DFFB: variants seen among roughly 807,000 people sequenced by gnomAD.
The protein encoded by DFFB is DNA fragmentation factor 40 kDa subunit.
In DFFB, 29 loss-of-function variants were observed where a neutral mutation model predicts 32.7. The observed-to-expected ratio is 0.89, with a 90% CI of 0.66 to 1.21. DFFB has a LOEUF of 1.21. Ranked by LOEUF, DFFB falls within the 50% of genes most tolerant of loss-of-function variation. The pLI, the probability that DFFB is intolerant of heterozygous loss-of-function variation, is 0.00. For synonymous variants in DFFB, 170 were observed against 177.1 expected (o/e 0.96, Z 0.32); for missense variants, 398 against 440.6 (o/e 0.90, Z 0.87).
In DFFB at chr1:3,871,080, T is replaced by C. The variant is rs1328096268; in HGVS notation, c.681+1305T>C. On this transcript the variant is annotated intron_variant, in intron 5 of 6. Transcript: ENST00000378209. ...GCGGGCAATGGCTGGAAAGGGAGCC[T>C]CTGGGACATGGGTCCTTGCTTCTCA... 4.6e-5 allele frequency among the ~76,000 whole-genome samples: 7 copies of C among 152,172 alleles called. No individual in the cohort carries two copies. In the East Asian group the frequency reaches 1.2e-3, roughly 25 times the overall value.
At chr1:3,859,723 T>C (rs1471965679) in intron 2 of DFFB, among the ~76,000 whole-genome samples, 1 of 152,226 alleles carries the variant, frequency 6.6e-6, no homozygotes, top group Non-Finnish European at 1.5e-5. Flanking sequence ...GCAAACCCCC[T>C]TTCTCCACTG....
At chr1:3,877,927 C>T (rs1645258028) in intron 6 of DFFB, among the ~76,000 whole-genome samples, 1 of 152,046 alleles carries the variant, frequency 6.6e-6, no homozygotes, top group South Asian at 2.1e-4. Context: ...CTTTATGTGC[C>T]ATTAGGTTTG....
intron 6 of DFFB, among the ~76,000 whole-genome samples, chr1:3,873,637 G>A (rs1024455251): frequency 1.3e-5 from 2 of 152,018 alleles, no homozygotes; most frequent in Non-Finnish European, 2.9e-5. Context: ...GTGGCACCAC[G>A]TCCAGCTAAT....
intron 3 of DFFB, 194 bp from the exon 4 acceptor site, chr1:3,867,780 G>A: frequency 1.7e-6 from 1 of 596,016 alleles, no homozygotes; most frequent in Non-Finnish European, 3.0e-6. Flanking sequence ...CTGAGCCCAG[G>A]AGGTTAAGGC....
intron 6 of DFFB, 60 bp from the exon 7 acceptor site, chr1:3,883,447 T>C (rs1462678581): frequency 2.7e-6 from 4 of 1,493,484 alleles, no homozygotes; most frequent in African/African-American, 1.4e-5. Flanking sequence ...TACACTGCTA[T>C]GACCTGTTGC....
chr1:3,858,614 T>G lies in DFFB; in HGVS notation c.115-104T>G, dbSNP rs1021182296. ...TGGCATACAGGCGGCAGCCTGAGCC[T>G]GCTTCTTTAAGCACAGCTCATTCCG... is the stretch of plus-strand genomic sequence containing the variant. On this transcript the variant is annotated intron_variant, in intron 1 of 6. Coordinates refer to ENST00000378209, the MANE Select transcript of DFFB (RefSeq NM_004402.4). The G allele has an allele frequency of 2.1e-6, 3 of 1,428,298 alleles. No individual in the cohort carries two copies. In the African/African-American group the frequency reaches 4.3e-5, roughly 20 times the overall value. The allele number at this position is 1,428,298 out of a possible 1,614,324, so 88.5% of individuals were successfully genotyped here.
intron 6 of DFFB, among the ~76,000 whole-genome samples, chr1:3,881,582 C>G (rs556998729): frequency 6.6e-6 from 1 of 152,314 alleles, no homozygotes; most frequent in South Asian, 2.1e-4. Flanking sequence ...AGTATTTTAA[C>G]AAGGTGACTT....
intron 6 of DFFB, among the ~76,000 whole-genome samples, chr1:3,873,535 A>C (rs1375748598): frequency 1.3e-5 from 2 of 150,304 alleles, no homozygotes; most frequent in Non-Finnish European, 2.9e-5. Flanking sequence ...GCTGGAGTGC[A>C]ATGATGTGAT....
intron 6 of DFFB, 120 bp from the exon 7 acceptor site, chr1:3,883,387 G>A (rs1267901988): frequency 1.3e-5 from 12 of 903,216 alleles, no homozygotes; most frequent in South Asian, 1.6e-5. Flanking sequence ...AGGTGCGGCC[G>A]TGTGTCCGTG....
rs1300568879 is a variant in DFFB, at chr1:3,883,827, GT to G, written c.*93del. 9 of 1,184,706 alleles carry G rather than the reference GT, an allele frequency of 7.6e-6. No individual in the cohort carries two copies. Among genetic ancestry groups the G allele is most frequent in the East Asian group, 7.2e-5 (3 of 41,600 alleles). 73.4% of individuals were successfully genotyped at this position (1,184,706 alleles called of 1,614,324 possible). A position where few individuals can be genotyped will look rare whatever the true frequency, so the allele number is the denominator to read the frequency against. ...TGCCTTTTTTGTTTTTTTGTTTTTC[GT>G]TTTTTTGGTCACTCCAGTAGCTCCT... On this transcript the variant is annotated 3_prime_UTR_variant, in exon 7 of 7. Coordinates refer to ENST00000378209, the MANE Select transcript of DFFB (RefSeq NM_004402.4).
At chr1:3,873,044 A>C in intron 6 of DFFB, 1 of 1,188,926 alleles carries the variant, frequency 8.4e-7, no homozygotes, top group Non-Finnish European at 1.1e-6. Context: ...GCCCAGGCTA[A>C]AGTGCAGTGG....
rs772999602 is a variant in DFFB, at chr1:3,865,798, C to T, written c.242-14C>T. On this transcript the variant is annotated splice_polypyrimidine_tract_variant and intron_variant, in intron 2 of 6. Coordinates refer to ENST00000378209, the MANE Select transcript of DFFB (RefSeq NM_004402.4). This position sits in a 1 kb window ranked among gnomAD's most constrained non-coding sequence, Gnocchi z 4.7. ...TGCTGGACCGGCACCTTTTGTTTGT[C>T]CCATTGGTGGCAGATGTGAGCGACA... The T allele has an allele frequency of 1.9e-6, 3 of 1,614,084 alleles. No individual in the cohort carries two copies. The highest frequency in any genetic ancestry group is 1.3e-5 in the African/African-American group (1 of 75,002).
At chr1:3,878,695 C>T (rs1462544339) in intron 6 of DFFB, among the ~76,000 whole-genome samples, 1 of 152,216 alleles carries the variant, frequency 6.6e-6, no homozygotes, top group Non-Finnish European at 1.5e-5. Flanking sequence ...TGTCCCCTCT[C>T]CCGGGCCGGC....
At position 3,857,578 on chromosome 1, in the gene DFFB, A is replaced by G. The variant is rs1387658583; in HGVS notation, c.-26A>G. 2 of 1,509,292 alleles carry G rather than the reference A, an allele frequency of 1.3e-6. No individual in the cohort carries two copies. Among genetic ancestry groups the G allele is most frequent in the South Asian group, 2.5e-5 (2 of 78,824 alleles). 93.5% of individuals were successfully genotyped at this position (1,509,292 alleles called of 1,614,324 possible). On this transcript the variant is annotated 5_prime_UTR_variant, in exon 1 of 7. Coordinates refer to ENST00000378209, the MANE Select transcript of DFFB (RefSeq NM_004402.4). Reference sequence around the variant, plus strand: ...GGCAGCAGGTGCCACCGCCTGTGGGACCCAGAGGGCTTGAGGACATCTGCA... The same window carrying G: ...GGCAGCAGGTGCCACCGCCTGTGGGGCCCAGAGGGCTTGAGGACATCTGCA...
At chr1:3,878,698 G>T (rs970382877) in intron 6 of DFFB, among the ~76,000 whole-genome samples, 121 of 152,126 alleles carry the variant, frequency 8.0e-4, no homozygotes, top group Non-Finnish European at 1.0e-4. Flanking sequence ...CCCCTCTCCC[G>T]GGCCGGCCTC....
rs1257197024 is a variant in DFFB, at chr1:3,865,704, C to T, written c.242-108C>T. On this transcript the variant is annotated intron_variant, in intron 2 of 6. Transcript: ENST00000378209. This position sits in a 1 kb window ranked among gnomAD's most constrained non-coding sequence, Gnocchi z 4.7. ...CCTCAAGTCTGAGTCCTGGTGATTG[C>T]CAGGCCCTGGGGAATGGGGGAAGAT... 1 of 1,568,462 alleles carries T rather than the reference C, an allele frequency of 6.4e-7. No individual in the cohort carries two copies. The highest frequency in any genetic ancestry group is 1.3e-5 in the African/African-American group (1 of 74,086).
In DFFB at chr1:3,872,546, C is replaced by G; in HGVS notation, c.756C>G (p.Leu252=). ...NPYSNRESRI[L]FSTWNLDHII... is the part of the protein sequence containing the mutation. ...ACAGTAACAGGGAGAGCAGGATCCT[C>G]TTCAGCACCTGGAACCTGGATCACA... The change falls in exon 6 of 7, where the codon CTC becomes CTG. Residue 252 remains leucine (L), a synonymous_variant. Coordinates refer to ENST00000378209, the MANE Select transcript of DFFB (RefSeq NM_004402.4). 2.5e-6 allele frequency: 4 copies of G among 1,614,116 alleles called. No homozygotes were observed. Among genetic ancestry groups the G allele is most frequent in the Non-Finnish European group, 3.4e-6 (4 of 1,180,014 alleles).
chr1:3,883,529 A>T lies in DFFB; in HGVS notation c.805A>T (p.Ile269Phe). The change falls in exon 7 of 7, where the codon ATT (isoleucine) becomes TTT (phenylalanine). Residue 269 changes from isoleucine (I) to phenylalanine (F), a missense_variant. Ile to Phe is a conservative substitution (Grantham distance 21, BLOSUM62 0). Coordinates refer to ENST00000378209, the MANE Select transcript of DFFB (RefSeq NM_004402.4). The stretch of plus-strand genomic sequence containing the variant: ...CAGAATAGAAAAGAAACGCACCATC[A>T]TTCCTACACTGGTGGAAGCAATTAA... ...DHIIEKKRTIIPTLVEAIKEQ... is the reference protein window; with the variant it reads ...DHIIEKKRTIFPTLVEAIKEQ... The T allele has an allele frequency of 6.2e-7, 1 of 1,614,218 alleles. No individual in the cohort carries two copies. Among genetic ancestry groups the T allele is most frequent in the Non-Finnish European group, 8.5e-7 (1 of 1,180,028 alleles).
At chr1:3,860,888 C>G (rs759834744) in intron 2 of DFFB, among the ~76,000 whole-genome samples, 1 of 152,162 alleles carries the variant, frequency 6.6e-6, no homozygotes, top group Non-Finnish European at 1.5e-5. Context: ...GGTGCGGTGG[C>G]TTACACCTGT....
Sources: gnomAD v4.1 joint callset for allele counts (sites outside exome capture counted in the v4.1 genomes callset) on GRCh38, gnomAD v4.1.1 for gene constraint, Gnocchi (gnomAD v3.1) non-coding constraint, MANE v1.5 for transcripts, NCBI Gene and HGNC (gene_info 2026-07-23, HGNC 2026-07-21) for gene names.